Variants in CYB5B observed in about 807,000 individuals in gnomAD.
The protein encoded by CYB5B is cytochrome b5 type B, also known as cytochrome b5 type B (outer mitochondrial membrane).
Under a neutral mutation model 21.3 loss-of-function variants are expected in CYB5B, and 14 were observed. That is an observed-to-expected ratio of 0.66 (90% confidence interval 0.43 to 1.03). The LOEUF (loss-of-function observed/expected upper bound fraction) is 1.03. Ranked by LOEUF, CYB5B falls within the 50% of genes least tolerant of loss-of-function variation. The pLI is 0.00. For synonymous variants in CYB5B, 69 were observed against 68.4 expected (o/e 1.01, Z -0.04); for missense variants, 166 against 185.1 (o/e 0.90, Z 0.60).
intron 3 of CYB5B, 93 bp downstream of exon 3, chr16:69,448,237 A>G (rs781661502): frequency 2.6e-5 from 37 of 1,438,514 alleles, no homozygotes; most frequent in Non-Finnish European, 3.5e-5. Flanking sequence ...GAGAAGTTAC[A>G]AAGTATTTAC....
chr16:69,449,337 T>C (rs1171878842), intron 3 of CYB5B: 1 of 152,106 alleles, frequency 6.6e-6, no homozygotes, highest in Admixed American at 6.5e-5. Context: ...TTGCTTACTC[T>C]TAATAACTTG....
chr16:69,438,371 A>G (rs2014783141), intron 1 of CYB5B, among the ~76,000 whole-genome samples: 1 of 152,210 alleles, frequency 6.6e-6, no homozygotes, highest in African/African-American at 2.4e-5. Flanking sequence ...GTGTACAAGT[A>G]TCTGTGTGAA....
chr16:69,465,918 G>T lies in CYB5B; in HGVS notation c.*3398G>T, dbSNP rs1359721058. 1 of 152,462 alleles carries T rather than the reference G, an allele frequency of 6.6e-6. No homozygotes were observed. The highest frequency in any genetic ancestry group is 1.5e-5 in the Non-Finnish European group (1 of 68,026). The allele number at this position is 152,462 out of a possible 1,614,324, so 9.4% of individuals were successfully genotyped here. A position where few individuals can be genotyped will look rare whatever the true frequency, so the allele number is the denominator to read the frequency against. ...AAGAGCCAGGTTTGGAATTTGTGGG[G>T]GTGATCTAGGAAGAAGGTTCCAAAG... On this transcript the variant is annotated 3_prime_UTR_variant, in exon 5 of 5. Coordinates refer to ENST00000307892, the MANE Select transcript of CYB5B (RefSeq NM_030579.3).
chr16:69,428,283 A>T (rs1567469605), intron 1 of CYB5B, among the ~76,000 whole-genome samples: 1 of 152,244 alleles, frequency 6.6e-6, no homozygotes, highest in African/African-American at 2.4e-5. Flanking sequence ...CATGGAGATT[A>T]CATGGCACAG....
At chr16:69,442,952 T>A (rs934525008) in intron 1 of CYB5B, among the ~76,000 whole-genome samples, 1 of 152,086 alleles carries the variant, frequency 6.6e-6, no homozygotes, top group African/African-American at 2.4e-5. Context: ...AGAGGCTTTT[T>A]TAAAAATTTT....
chr16:69,453,639 T>C (rs1424300889), intron 3 of CYB5B, among the ~76,000 whole-genome samples: 1 of 152,168 alleles, frequency 6.6e-6, no homozygotes, highest in African/African-American at 2.4e-5. Context: ...CTCTGCAACC[T>C]CCGCCTCCTG....
chr16:69,460,056 C>T (rs1191216622), intron 4 of CYB5B, among the ~76,000 whole-genome samples: 1 of 152,012 alleles, frequency 6.6e-6, no homozygotes, highest in African/African-American at 2.4e-5. Flanking sequence ...CGAGACCAGC[C>T]TGGACAACAT....
intron 1 of CYB5B, among the ~76,000 whole-genome samples, chr16:69,425,759 C>T (rs1476656128): frequency 1.3e-5 from 2 of 152,136 alleles, no homozygotes; most frequent in Admixed American, 1.3e-4. Flanking sequence ...TGATATGCAG[C>T]CGCTAAAGAT....
intron 1 of CYB5B, among the ~76,000 whole-genome samples, chr16:69,436,850 A>G (rs1469279744): frequency 6.6e-6 from 1 of 152,184 alleles, no homozygotes; most frequent in Non-Finnish European, 1.5e-5. Flanking sequence ...TGTAACTGCC[A>G]TTCTTCACAT....
chr16:69,433,355 G>A (rs2014725970), intron 1 of CYB5B, among the ~76,000 whole-genome samples: 1 of 152,112 alleles, frequency 6.6e-6, no homozygotes, highest in Admixed American at 6.6e-5. Context: ...GCCTCCTAAA[G>A]TTAACTCCCA....
At chr16:69,454,460 C>T (rs1370505817) in intron 3 of CYB5B, among the ~76,000 whole-genome samples, 1 of 152,196 alleles carries the variant, frequency 6.6e-6, no homozygotes, top group Non-Finnish European at 1.5e-5. Flanking sequence ...ATGCTGAAAT[C>T]ATATACCTTC....
chr16:69,459,440 G>A (rs1289514129), intron 4 of CYB5B: 3 of 246,946 alleles, frequency 1.2e-5, no homozygotes, highest in South Asian at 2.5e-4. Flanking sequence ...TAGTCCCGAA[G>A]TTCAACCCAG....
chr16:69,426,875 C>T (rs1185462640), intron 1 of CYB5B, among the ~76,000 whole-genome samples: 1 of 152,106 alleles, frequency 6.6e-6, no homozygotes, highest in Admixed American at 6.6e-5. Context: ...AAATTCTAGC[C>T]TTAGCTATGA....
chr16:69,433,606 T>C (rs2014728906), intron 1 of CYB5B, among the ~76,000 whole-genome samples: 1 of 152,186 alleles, frequency 6.6e-6, no homozygotes, highest in Non-Finnish European at 1.5e-5. Flanking sequence ...TTGATAAACA[T>C]TTGGGTTTTT....
At chr16:69,435,733 G>A (rs1352726768) in intron 1 of CYB5B, among the ~76,000 whole-genome samples, 1 of 152,090 alleles carries the variant, frequency 6.6e-6, no homozygotes, top group Admixed American at 6.6e-5. Flanking sequence ...TGCCTCCCGG[G>A]TTCAAGCAAT....
intron 1 of CYB5B, among the ~76,000 whole-genome samples, chr16:69,438,503 T>A (rs2014784430): frequency 6.6e-6 from 1 of 151,672 alleles, no homozygotes; most frequent in Non-Finnish European, 1.5e-5. Flanking sequence ...TATTTTATAT[T>A]CCCACCAGCA....
intron 1 of CYB5B, among the ~76,000 whole-genome samples, chr16:69,426,699 C>A (rs1222011358): frequency 3.0e-3 from 285 of 95,542 alleles, no homozygotes; most frequent in East Asian, 6.7e-3. Context: ...AGCGAGACTC[C>A]AAAAAAAAAA....
chr16:69,442,498 T>C (rs1244961945), intron 1 of CYB5B, among the ~76,000 whole-genome samples: 1 of 152,058 alleles, frequency 6.6e-6, no homozygotes, highest in African/African-American at 2.4e-5. Flanking sequence ...TATCTTTCTT[T>C]TTAAATTATT....
intron 1 of CYB5B, among the ~76,000 whole-genome samples, chr16:69,428,431 G>A (rs892539972): frequency 3.9e-5 from 6 of 152,200 alleles, no homozygotes; most frequent in East Asian, 1.9e-4. Context: ...AGGCCGAGGC[G>A]GATGGATCAT....
Sources: gnomAD v4.1 joint callset for allele counts (sites outside exome capture counted in the v4.1 genomes callset) on GRCh38, gnomAD v4.1.1 for gene constraint, MANE v1.5 for transcripts, NCBI Gene and HGNC (gene_info 2026-07-23, HGNC 2026-07-21) for gene names.